Variants in NUP155 observed in about 807,000 individuals in gnomAD.
NUP155 encodes nuclear pore complex protein Nup155.
In NUP155, 71 loss-of-function variants were observed where a neutral mutation model predicts 180.4. The ratio of observed to expected loss-of-function variants is 0.39; its 90% CI spans 0.33 to 0.48. The LOEUF (loss-of-function observed/expected upper bound fraction) is 0.48, where lower values mean the gene tolerates loss of function less well. Ranked by LOEUF, NUP155 falls within the 20% of genes least tolerant of loss-of-function variation. The pLI is 0.91. For missense variants in NUP155, 1,553 were observed against 1,648.9 expected, an observed-to-expected ratio of 0.94 and a Z score of 1.01; for synonymous variants, 582 against 559.5, an observed-to-expected ratio of 1.04 and a Z score of -0.57.
rs756050245 is a variant in NUP155, at chr5:37,307,400, G to A, written c.2800C>T (p.Leu934Phe). 6.2e-7 allele frequency: 1 copy of A among 1,613,950 alleles called. No homozygotes were observed. The highest frequency in any genetic ancestry group is 2.2e-5 in the East Asian group (1 of 44,858). ...GGATCTTTTTTCTCTGCAGCCGTAA[G>A]AGAAAGTTCCACCACACCCTCATAA... ...RFYEGVVELS[L>F]TAAEKKDPQG... Residue 934 changes from leucine to phenylalanine, a missense_variant, in exon 25 of 35, where the codon CTT (leucine) becomes TTT (phenylalanine). Coordinates refer to ENST00000231498, the MANE Select transcript of NUP155 (RefSeq NM_153485.3).
At chr5:37,367,203 C>T (rs1747648394) in intron 1 of NUP155, among the ~76,000 whole-genome samples, 1 of 151,954 alleles carries the variant, frequency 6.6e-6, no homozygotes, top group East Asian at 1.9e-4. Flanking sequence ...TGACACCATG[C>T]CTAGCTAATT....
intron 13 of NUP155, 78 bp downstream of exon 13, chr5:37,333,385 G>T: frequency 8.4e-7 from 1 of 1,194,526 alleles, no homozygotes; most frequent in Non-Finnish European, 1.3e-6. Context: ...ATTCAATTAA[G>T]CCACTACTTC....
intron 4 of NUP155, among the ~76,000 whole-genome samples, chr5:37,356,747 A>G (rs898860109): frequency 2.0e-5 from 3 of 152,124 alleles, no homozygotes; most frequent in Non-Finnish European, 4.4e-5. Flanking sequence ...GGGTGAAACA[A>G]TAAGTTAAAC....
chr5:37,366,012 T>C (rs963789645), intron 1 of NUP155, among the ~76,000 whole-genome samples: 1 of 151,898 alleles, frequency 6.6e-6, no homozygotes, highest in Non-Finnish European at 1.5e-5. Context: ...CTTTTCCCTT[T>C]AGATTTATCC....
chr5:37,324,246 T>C, intron 19 of NUP155, 139 bp from the exon 20 acceptor site: 2 of 666,704 alleles, frequency 3.0e-6, no homozygotes, highest in East Asian at 2.8e-5. Context: ...GAATAAAGTA[T>C]ACCTACACAC....
intron 27 of NUP155, 119 bp from the exon 28 acceptor site, chr5:37,303,533 C>A: frequency 1.2e-6 from 1 of 825,482 alleles, no homozygotes; most frequent in Non-Finnish European, 2.0e-6. Flanking sequence ...TGAAAACAAG[C>A]AAAATTATAA....
chr5:37,346,287 AC>A (rs917434199), intron 9 of NUP155, among the ~76,000 whole-genome samples: 1 of 151,956 alleles, frequency 6.6e-6, no homozygotes, highest in African/African-American at 2.4e-5. Context: ...GAAAAAAAAA[AC>A]AAAAAGTTGA....
chr5:37,321,700 G>C (rs1680592410), intron 20 of NUP155, among the ~76,000 whole-genome samples: 1 of 151,952 alleles, frequency 6.6e-6, no homozygotes, highest in African/African-American at 2.4e-5. Flanking sequence ...CTGGGCAACA[G>C]AGCAAGACTC....
chr5:37,320,664 GTAAT>G (rs1744189080), intron 20 of NUP155, among the ~76,000 whole-genome samples: 2 of 152,060 alleles, frequency 1.3e-5, no homozygotes, highest in Admixed American at 6.5e-5. Flanking sequence ...AGATAAATGA[GTAAT>G]TAAGAGAAAT....
chr5:37,292,176 G>A, intron 34 of NUP155, 138 bp from the exon 35 acceptor site: 1 of 798,584 alleles, frequency 1.3e-6, no homozygotes, highest in South Asian at 1.7e-5. Context: ...AAGAAATAAA[G>A]TAAAAAAGAA....
intron 22 of NUP155, 70 bp downstream of exon 22, chr5:37,314,128 C>T (rs551112255): frequency 8.6e-7 from 1 of 1,159,988 alleles, no homozygotes; most frequent in African/African-American, 1.6e-5. Flanking sequence ...CCCTCCAAAG[C>T]CAAAATACTC....
Position 37,331,795 on chromosome 5 carries a change from C to A in NUP155, c.1519G>T (p.Gly507Trp), listed in dbSNP as rs769328844. ...CTAAGTTTATGAAACATAAGGCTCC[C>A]CTAAGAAATTTGAAGAAAGAACATG... ...PKKFVLLSAQ[G>W]SLMFHKLRPV... The change falls in exon 14 of 35, where the codon GGG becomes TGG. Residue 507 changes from glycine (G) to tryptophan (W), a missense_variant and splice_region_variant. Gly to Trp is a radical substitution (Grantham distance 184). Coordinates refer to ENST00000231498, the MANE Select transcript of NUP155 (RefSeq NM_153485.3). The A allele has an allele frequency of 6.3e-7, 1 of 1,591,704 alleles. No homozygotes were observed. The highest frequency in any genetic ancestry group is 1.1e-5 in the South Asian group (1 of 90,688).
At chr5:37,337,265 CTTTG>C (rs576884233) in intron 12 of NUP155, among the ~76,000 whole-genome samples, 180 of 152,054 alleles carry the variant, frequency 1.2e-3, no homozygotes, top group African/African-American at 4.1e-3. Flanking sequence ...GTGGGTGTCT[CTTTG>C]TTTATGTGGG....
rs112296149 is a variant in NUP155, at chr5:37,310,594, G to C, written c.2586C>G (p.Ile862Met). The change falls in exon 23 of 35, where the codon ATC (isoleucine) becomes ATG (methionine). Residue 862 changes from isoleucine (I) to methionine (M), a missense_variant. Physicochemically the swap from Ile to Met is conservative, Grantham distance 10. Transcript: ENST00000231498. ...VDGISLHLQDICPLLYSTDDA... is the reference protein window; with the variant it reads ...VDGISLHLQDMCPLLYSTDDA... ...CATCAGTGCTATATAGAAGTGGGCA[G>C]ATATCCTGTAAATGTAAACTAATGC... The C allele has an allele frequency of 6.2e-7, 1 of 1,613,426 alleles. No individual in the cohort carries two copies. The highest frequency in any genetic ancestry group is 1.3e-5 in the African/African-American group (1 of 74,916).
rs1418695835 is a variant in NUP155 at position 37,295,913 on chromosome 5, C to T, written c.3794-1448G>A. 1.8e-3 allele frequency among the ~76,000 whole-genome samples: 260 copies of T among 145,094 alleles called. 1 individual carries two copies. Among genetic ancestry groups the T allele is most frequent in the Middle Eastern group, 4.0e-3 (1 of 252 alleles). On this transcript the variant is annotated intron_variant, in intron 32 of 34. Coordinates refer to ENST00000231498, the MANE Select transcript of NUP155 (RefSeq NM_153485.3). The stretch of plus-strand genomic sequence containing the variant: ...CCCCCGCCTGGCCAGCCGCCCCGTC[C>T]GGGAGGTGAGGGGCGCCTCTGCCCG...
chr5:37,339,336 T>G (rs1193772616), intron 11 of NUP155, among the ~76,000 whole-genome samples: 1 of 147,776 alleles, frequency 6.8e-6, no homozygotes, highest in Non-Finnish European at 1.5e-5. Context: ...GGCAATTATC[T>G]CAACAAAACT....
intron 32 of NUP155, among the ~76,000 whole-genome samples, chr5:37,295,317 G>C (rs946370139): frequency 1.3e-5 from 2 of 152,302 alleles, no homozygotes; most frequent in Non-Finnish European, 1.5e-5. Flanking sequence ...CAGAGGTGCC[G>C]GGATTGCAGA....
Position 37,291,160 on chromosome 5 carries a change from G to T in NUP155, c.*740C>A, listed in dbSNP as rs28676671. ...AGGGTGAACCCAACACCTAAAAAAA[G>T]TTTTGAAAAAGTCAGTTATTTGCCT... On this transcript the variant is annotated 3_prime_UTR_variant, in exon 35 of 35. Coordinates refer to ENST00000231498, the MANE Select transcript of NUP155 (RefSeq NM_153485.3). 6.6e-6 allele frequency: 1 copy of T among 152,206 alleles called. No homozygotes were observed. The highest frequency in any genetic ancestry group is 1.5e-5 in the Non-Finnish European group (1 of 68,030). The allele number at this position is 152,206 out of a possible 1,614,324, so 9.4% of individuals were successfully genotyped here.
At chr5:37,297,753 G>A (rs1052246461) in intron 32 of NUP155, among the ~76,000 whole-genome samples, 8 of 152,030 alleles carry the variant, frequency 5.3e-5, no homozygotes, top group Admixed American at 5.2e-4. Flanking sequence ...TATAAAGTAT[G>A]TATTTGCTCT....
Sources: allele counts gnomAD v4.1 joint callset (sites outside exome capture counted in the v4.1 genomes callset), GRCh38; gene constraint gnomAD v4.1.1; transcripts MANE v1.5; gene names NCBI Gene and HGNC (gene_info 2026-07-23, HGNC 2026-07-21).